The following IGSF11 variants were observed in gnomAD, a reference collection of about 807,000 sequenced individuals.
The protein encoded by IGSF11 is immunoglobulin superfamily member 11.
In IGSF11, 22 loss-of-function variants were observed where a neutral mutation model predicts 41.0. That is an observed-to-expected ratio of 0.54 (90% CI 0.38 to 0.77). The LOEUF (loss-of-function observed/expected upper bound fraction) is 0.77, where lower values mean the gene tolerates loss of function less well. IGSF11 is among the 30% of genes least tolerant of loss of function. IGSF11 has a pLI of 0.00. For synonymous variants in IGSF11, 219 were observed against 201.3 expected (o/e 1.09, Z -0.74); for missense variants, 444 against 530.8 (o/e 0.84, Z 1.61).
Position 119,034,776 on chromosome 3 carries a change from C to T in IGSF11, c.-194G>A. 1 of 1,304,820 alleles carries T rather than the reference C, an allele frequency of 7.7e-7. No individual in the cohort carries two copies. Among genetic ancestry groups the T allele is most frequent in the Non-Finnish European group, 9.7e-7 (1 of 1,026,074 alleles). 80.8% of individuals were successfully genotyped at this position (1,304,820 alleles called of 1,614,324 possible). ...GTGCAGCTGCAGCGCCGCCCGGCTC[C>T]GCGGACGCTGAGCTGTGACCAGAGG... On this transcript the variant is annotated 5_prime_UTR_variant, in exon 1 of 7. Coordinates refer to ENST00000393775, the MANE Select transcript of IGSF11 (RefSeq NM_001015887.3).
intron 1 of IGSF11, among the ~76,000 whole-genome samples, chr3:118,937,502 T>C (rs1217316026): frequency 6.6e-6 from 1 of 152,038 alleles, no homozygotes; most frequent in Non-Finnish European, 1.5e-5. Flanking sequence ...CAAACTGCCA[T>C]CTCAACTAAA....
intron 1 of IGSF11, among the ~76,000 whole-genome samples, chr3:119,054,922 AC>A (rs1307094339): frequency 2.0e-5 from 3 of 152,026 alleles, no homozygotes; most frequent in African/African-American, 4.8e-5. Flanking sequence ...ACTGGGAGGC[AC>A]CCCCAAGTAC....
intron 1 of IGSF11, among the ~76,000 whole-genome samples, chr3:119,031,021 C>G (rs1940344268): frequency 6.6e-6 from 1 of 152,150 alleles, no homozygotes; most frequent in African/African-American, 2.4e-5. Flanking sequence ...CTTTGGGAGA[C>G]TGGGGTGAGC....
intron 1 of IGSF11, among the ~76,000 whole-genome samples, chr3:118,986,741 T>C (rs534034098): frequency 1.3e-5 from 2 of 152,308 alleles, no homozygotes; most frequent in South Asian, 2.1e-4. Flanking sequence ...TATTGAAATA[T>C]AGGTTTTACA....
At chr3:118,934,333 C>A (rs1943083076) in intron 1 of IGSF11, among the ~76,000 whole-genome samples, 1 of 152,158 alleles carries the variant, frequency 6.6e-6, no homozygotes. Flanking sequence ...TAAAACACAC[C>A]TTTCCCTTAG....
At chr3:119,107,337 A>C (rs988523071), upstream of IGSF11, among the ~76,000 whole-genome samples, 26 of 152,368 alleles carry the variant, frequency 1.7e-4, no homozygotes, top group Admixed American at 3.3e-4. Flanking sequence ...TCTGATGGCC[A>C]GTGATGATGA....
intron 1 of IGSF11, among the ~76,000 whole-genome samples, chr3:118,973,041 C>A (rs1933630297): frequency 6.6e-6 from 1 of 152,218 alleles, no homozygotes; most frequent in African/African-American, 2.4e-5. Context: ...TTAATATCTC[C>A]TTTTATGTCT....
intron 1 of IGSF11, among the ~76,000 whole-genome samples, chr3:119,100,291 T>C (rs983185638): frequency 3.9e-5 from 6 of 152,028 alleles, no homozygotes; most frequent in African/African-American, 1.2e-4. Flanking sequence ...ACAATGGCAA[T>C]AGAGAAAAAG....
chr3:119,046,291 G>A (rs2107753548), intron 1 of IGSF11, among the ~76,000 whole-genome samples: 1 of 151,508 alleles, frequency 6.6e-6, no homozygotes, highest in Middle Eastern at 3.4e-3. Flanking sequence ...ATACAGAGAA[G>A]TGCTTAAAGG....
intron 1 of IGSF11, among the ~76,000 whole-genome samples, chr3:119,121,606 C>T (rs6767666): frequency 0.46 from 70,160 of 151,640 alleles, 16,331 homozygotes; most frequent in East Asian, 0.51. Flanking sequence ...ATATGCAAAA[C>T]AGAGGCCCAA....
chr3:118,993,826 T>C (rs1316358214), intron 1 of IGSF11, among the ~76,000 whole-genome samples: 1 of 152,152 alleles, frequency 6.6e-6, no homozygotes, highest in Non-Finnish European at 1.5e-5. Flanking sequence ...AGATAGAAAC[T>C]AGATTAGAGG....
chr3:119,051,374 AAT>A (rs377095349), intron 1 of IGSF11, among the ~76,000 whole-genome samples: 129 of 152,126 alleles, frequency 8.5e-4, no homozygotes, highest in African/African-American at 3.0e-3. Flanking sequence ...AGTTAAAAAA[AAT>A]AAAGAGGGGC....
chr3:119,047,772 A>C (rs920796717), intron 1 of IGSF11, among the ~76,000 whole-genome samples: 16 of 152,152 alleles, frequency 1.1e-4, no homozygotes, highest in South Asian at 2.1e-4. Context: ...GCAAATGTAA[A>C]AGAACAGAAA....
At chr3:118,912,424 G>C (rs1272883695) in intron 4 of IGSF11, among the ~76,000 whole-genome samples, 1 of 152,108 alleles carries the variant, frequency 6.6e-6, no homozygotes, top group Admixed American at 6.5e-5. Context: ...TCCAGCCCTG[G>C]ATTTTCAATT....
intron 1 of IGSF11, among the ~76,000 whole-genome samples, chr3:118,998,671 A>G (rs1390408088): frequency 6.6e-6 from 1 of 152,092 alleles, no homozygotes; most frequent in Admixed American, 6.5e-5. Context: ...TTTATAAATA[A>G]GGAGAAAATA....
At chr3:119,008,044 T>C (rs1173901998) in intron 1 of IGSF11, among the ~76,000 whole-genome samples, 3 of 151,874 alleles carry the variant, frequency 2.0e-5, no homozygotes, top group Admixed American at 6.6e-5. Context: ...CACTCCCCTC[T>C]ACAGACAAGG....
At chr3:118,912,834 C>A (rs1005157986) in intron 4 of IGSF11, among the ~76,000 whole-genome samples, 1 of 151,984 alleles carries the variant, frequency 6.6e-6, no homozygotes, top group African/African-American at 2.4e-5. Flanking sequence ...CATGAAGAGA[C>A]AAAGGCAACA....
intron 6 of IGSF11, 82 bp downstream of exon 6, chr3:118,904,566 G>A: frequency 3.0e-6 from 3 of 990,154 alleles, no homozygotes; most frequent in Non-Finnish European, 4.6e-6. Flanking sequence ...TTTATGATTA[G>A]TAGATATATC....
At chr3:119,023,042 A>T (rs1045990466) in intron 1 of IGSF11, among the ~76,000 whole-genome samples, 1 of 152,076 alleles carries the variant, frequency 6.6e-6, no homozygotes, top group Non-Finnish European at 1.5e-5. Context: ...CAGGAGGATC[A>T]CCTGATGTCA....
Sources: gnomAD v4.1 joint callset for allele counts (sites outside exome capture counted in the v4.1 genomes callset) on GRCh38, gnomAD v4.1.1 for gene constraint, MANE v1.5 for transcripts, NCBI Gene and HGNC (gene_info 2026-07-23, HGNC 2026-07-21) for gene names.